Variants in ARMCX4 observed in about 807,000 individuals in gnomAD.
ARMCX4 encodes armadillo repeat containing X-linked 4.
In ARMCX4, 3 loss-of-function variants were observed where a neutral mutation model predicts 34.7. That is an observed-to-expected ratio of 0.09 (90% CI 0.04 to 0.22). The LOEUF (loss-of-function observed/expected upper bound fraction) is 0.22, where lower values mean the gene tolerates loss of function less well. ARMCX4 is among the 10% of genes least tolerant of loss of function. The pLI, the probability that ARMCX4 is intolerant of heterozygous loss-of-function variation, is 1.00. For synonymous variants in ARMCX4, 513 were observed against 632.8 expected (o/e 0.81, Z 2.84); for missense variants, 1,448 against 1,720.8 (o/e 0.84, Z 2.81).
At chrX:101,496,768 C>T (rs782762436), downstream of ARMCX4, among the ~76,000 whole-genome samples, 3 of 111,160 alleles carry the variant, frequency 2.7e-5, no homozygotes, top group Admixed American at 9.5e-5. Flanking sequence ...GTGAGGGTGT[C>T]GGGGGAGGAG....
chrX:101,450,129 C>T (rs186274237), downstream of ARMCX4, among the ~76,000 whole-genome samples: 2 of 112,391 alleles, frequency 1.8e-5, no homozygotes, highest in East Asian at 2.8e-4. Context: ...GAGAAAAGTA[C>T]ACCTGTGGCC....
chrX:101,480,167 CACACACACAT>C (rs1292447213), intron 4 of ARMCX4, among the ~76,000 whole-genome samples: 1 of 107,956 alleles, frequency 9.3e-6, no homozygotes, highest in African/African-American at 3.5e-5. Flanking sequence ...CACACACACA[CACACACACAT>C]ATATATGCAA....
chrX:101,470,852 T>A (rs1405623758), intron 4 of ARMCX4, among the ~76,000 whole-genome samples: 1 of 112,005 alleles, frequency 8.9e-6, no homozygotes, highest in Non-Finnish European at 1.9e-5. Flanking sequence ...GTGAACTTGT[T>A]GGGTTGTATG....
intron 11 of ARMCX4, among the ~76,000 whole-genome samples, chrX:101,520,271 G>A (rs1934823374): frequency 8.9e-6 from 1 of 111,912 alleles, no homozygotes; most frequent in Non-Finnish European, 1.9e-5. Context: ...CAATCAGGAT[G>A]CATTTTATTT....
intron 4 of ARMCX4, among the ~76,000 whole-genome samples, chrX:101,465,024 A>G (rs1424258789): frequency 1.8e-5 from 2 of 111,946 alleles, no homozygotes; most frequent in Non-Finnish European, 3.8e-5. Flanking sequence ...CTACATGAAT[A>G]GTAATAGAAT....
At chrX:101,531,042 G>T (rs1488793143) in intron 11 of ARMCX4, among the ~76,000 whole-genome samples, 1 of 111,643 alleles carries the variant, frequency 9.0e-6, no homozygotes, top group Non-Finnish European at 1.9e-5. Context: ...GACTAAAATG[G>T]GTTGAAAGGG....
In ARMCX4 at chrX:101,494,612, G is replaced by T. The variant is rs1401751520; in HGVS notation, c.6023G>T (p.Ser2008Ile). The change falls in exon 6 of 6, where the codon AGC becomes ATC. Residue 2008 changes from serine to isoleucine, a missense_variant. Coordinates refer to ENST00000423738, the MANE Select transcript of ARMCX4 (RefSeq NM_001256155.3). ...ETKFAHQSEA[S>I]FPVEDESRKQ... The stretch of plus-strand genomic sequence containing the variant: ...AAGTTTGCACACCAAAGTGAGGCCA[G>T]CTTCCCAGTTGAAGATGAGTCCAGA... 8.7e-7 allele frequency: 1 copy of T among 1,153,866 alleles called. No homozygotes were observed. The highest frequency in any genetic ancestry group is 1.1e-6 in the Non-Finnish European group (1 of 872,517).
intron 11 of ARMCX4, among the ~76,000 whole-genome samples, chrX:101,511,726 A>G (rs782400417): frequency 2.1e-4 from 23 of 110,131 alleles, no homozygotes; most frequent in Non-Finnish European, 3.8e-4. Context: ...CTTGGGCTCA[A>G]GTGACCCTCC....
At chrX:101,485,567 G>A in intron 1 of ARMCX4, 37 bp downstream of exon 1, 2 of 264,135 alleles carry the variant, frequency 7.6e-6, no homozygotes, top group Non-Finnish European at 1.0e-5. Flanking sequence ...TGGCCAGGCC[G>A]GCAGAAGCTC....
At chrX:101,424,510 T>G in intron 2 of ARMCX4, among the ~76,000 whole-genome samples, 1 of 111,468 alleles carries the variant, frequency 9.0e-6, no homozygotes, top group Non-Finnish European at 1.9e-5. Flanking sequence ...GCCTGAGCTC[T>G]CAAACTGTGG....
At chrX:101,433,231 TACACATATGTATATATACACAC>T (rs1425026663) in intron 2 of ARMCX4, among the ~76,000 whole-genome samples, 2 of 28,007 alleles carry the variant, frequency 7.1e-5, no homozygotes, top group Non-Finnish European at 2.4e-4. Flanking sequence ...TACATATATG[TACACATATGTATATATACACAC>T]ATATATACAT....
At chrX:101,450,463 G>T (rs781862014), downstream of ARMCX4, among the ~76,000 whole-genome samples, 1 of 111,748 alleles carries the variant, frequency 8.9e-6, no homozygotes, top group Non-Finnish European at 1.9e-5. Context: ...GTCCTTCAGG[G>T]CAGTGAACTC....
chrX:101,464,958 T>C (rs2147613496), intron 4 of ARMCX4, among the ~76,000 whole-genome samples: 1 of 111,501 alleles, frequency 9.0e-6, no homozygotes, highest in Non-Finnish European at 1.9e-5. Context: ...CAATGTAAAA[T>C]TTATACTAGG....
chrX:101,488,802 C>G lies in ARMCX4; in HGVS notation c.213C>G (p.Val71=), dbSNP rs1284401082. 1.5e-5 allele frequency: 17 copies of G among 1,156,152 alleles called. No individual in the cohort carries two copies. The highest frequency in any genetic ancestry group is 1.9e-5 in the Non-Finnish European group (17 of 873,024). ...CAGAGATTAAGACTAAACCCCAAGT[C>G]GAGATTGGAGCAGAAACTGGAGCAA... The part of the protein sequence containing the change: ...NEAEIKTKPQ[V]EIGAETGARS... Residue 71 remains valine (V), a synonymous_variant, in exon 6 of 6, where the codon GTC becomes GTG. Transcript: ENST00000423738.
chrX:101,422,519 A>G (rs1293406141), intron 2 of ARMCX4, among the ~76,000 whole-genome samples: 2 of 110,986 alleles, frequency 1.8e-5, no homozygotes, highest in Admixed American at 1.9e-4. Context: ...AGGGTCTGAA[A>G]AGTATCTCAG....
intron 11 of ARMCX4, among the ~76,000 whole-genome samples, chrX:101,515,413 C>T (rs1213578499): frequency 2.4e-4 from 3 of 12,502 alleles, no homozygotes; most frequent in Admixed American, 1.2e-3. Flanking sequence ...CTCCCTCCCT[C>T]TCTTCCTTCC....
chrX:101,534,547 T>C (rs1935188157), downstream of ARMCX4, among the ~76,000 whole-genome samples: 1 of 110,952 alleles, frequency 9.0e-6, no homozygotes, highest in Non-Finnish European at 1.9e-5. Flanking sequence ...TAAAAGAATA[T>C]AATAAAGAAT....
chrX:101,495,569 A>C lies in ARMCX4; in HGVS notation c.*107A>C, dbSNP rs1934159459. On this transcript the variant is annotated 3_prime_UTR_variant, in exon 6 of 6. Transcript: ENST00000423738. ...AACTTTGAAACTGATGTTACCTATG[A>C]TGGTCTATAGCTGGACCATTTTATG... 7.3e-6 allele frequency: 6 copies of C among 823,589 alleles called. No homozygotes were observed. In the Admixed American group the frequency reaches 1.7e-4, roughly 24 times the overall value. The allele number at this position is 823,589 out of a possible 1,213,427, so 67.9% of individuals were successfully genotyped here. A position where few individuals can be genotyped will look rare whatever the true frequency, so the allele number is the denominator to read the frequency against.
chrX:101,474,904 C>T (rs1359213881), intron 4 of ARMCX4, among the ~76,000 whole-genome samples: 1 of 99,585 alleles, frequency 1.0e-5, no homozygotes, highest in African/African-American at 3.7e-5. Flanking sequence ...TGGCAGAAGA[C>T]AGGGATGCCC....
Sources: gnomAD v4.1 joint callset for allele counts (sites outside exome capture counted in the v4.1 genomes callset) on GRCh38, gnomAD v4.1.1 for gene constraint, MANE v1.5 for transcripts, NCBI Gene and HGNC (gene_info 2026-07-23, HGNC 2026-07-21) for gene names.